Variants in NUAK1 observed in about 807,000 individuals in gnomAD.
NUAK1 encodes the protein NUAK family SNF1-like kinase 1.
In NUAK1, 26 loss-of-function variants were observed where a neutral mutation model predicts 56.9. The ratio of observed to expected loss-of-function variants is 0.46; its 90% CI spans 0.33 to 0.63. The LOEUF is 0.63. NUAK1 is among the 30% of genes least tolerant of loss of function. The probability of loss-of-function intolerance (pLI) is 0.02; values close to 1 mark genes in which losing one functional copy is unlikely to be tolerated. For synonymous variants in NUAK1, 337 were observed against 336.0 expected (o/e 1.00, Z -0.03); for missense variants, 727 against 876.1 (o/e 0.83, Z 2.15).
chr12:106,106,670 A>T, intron 1 of NUAK1, 145 bp from the exon 2 acceptor site: 1 of 719,876 alleles, frequency 1.4e-6, no homozygotes, highest in Non-Finnish European at 2.2e-6. Context: ...CCCCCTTGTC[A>T]TGTCTTTCAT....
rs2032340775 is a variant in NUAK1 at position 106,066,538 on chromosome 12, CT to C, written c.*263del. 2 of 511,742 alleles carry C rather than the reference CT, an allele frequency of 3.9e-6. No individual in the cohort carries two copies. Among genetic ancestry groups the C allele is most frequent in the Admixed American group, 3.3e-5 (1 of 30,472 alleles). 31.7% of individuals were successfully genotyped at this position (511,742 alleles called of 1,614,324 possible). ...TGAGTGCCGGTCAATACCACCTCCC[CT>C]GGACAGCTGGTCCTCTAGGAGGTGC... On this transcript the variant is annotated 3_prime_UTR_variant, in exon 7 of 7. Coordinates refer to ENST00000261402, the MANE Select transcript of NUAK1 (RefSeq NM_014840.3).
At chr12:106,112,201 C>T (rs748005999) in intron 1 of NUAK1, among the ~76,000 whole-genome samples, 1 of 152,224 alleles carries the variant, frequency 6.6e-6, no homozygotes, top group Non-Finnish European at 1.5e-5. Context: ...CTAATCCCAG[C>T]AACACGAGCT....
At chr12:106,130,610 A>G (rs1377024867) in intron 1 of NUAK1, among the ~76,000 whole-genome samples, 2 of 152,240 alleles carry the variant, frequency 1.3e-5, no homozygotes, top group Non-Finnish European at 1.5e-5. Flanking sequence ...GCTGCCAAGC[A>G]GGGATGTGCA....
intron 5 of NUAK1, 49 bp from the exon 6 acceptor site, chr12:106,070,955 A>G (rs756358388): frequency 5.0e-6 from 8 of 1,608,384 alleles, no homozygotes; most frequent in Non-Finnish European, 6.0e-6. Flanking sequence ...ACAGATCCCA[A>G]GATGCCTTCC....
At chr12:106,130,695 T>C (rs1283561993) in intron 1 of NUAK1, among the ~76,000 whole-genome samples, 2 of 152,204 alleles carry the variant, frequency 1.3e-5, no homozygotes, top group Non-Finnish European at 2.9e-5. Flanking sequence ...ACAGAGCCGC[T>C]AGTAGGAGAG....
Position 106,131,794 on chromosome 12 carries a change from G to A in NUAK1, c.240+6620C>T, listed in dbSNP as rs191507200. On this transcript the variant is annotated intron_variant, in intron 1 of 6. Coordinates refer to ENST00000261402, the MANE Select transcript of NUAK1 (RefSeq NM_014840.3). ...TTTCACATGCAGTTAAAAGTTTACCGAAGAGTTTCGCTGTAAAGCCAACAT... is the reference window on the plus strand; with the variant it reads ...TTTCACATGCAGTTAAAAGTTTACCAAAGAGTTTCGCTGTAAAGCCAACAT... Among the ~76,000 whole-genome samples the A allele has an allele frequency of 2.8e-3, 425 of 152,256 alleles. 2 individuals are homozygous for A. Among genetic ancestry groups the A allele is most frequent in the African/African-American group, 9.7e-3 (404 of 41,532 alleles).
At chr12:106,096,734 C>T (rs563251258) in intron 2 of NUAK1, among the ~76,000 whole-genome samples, 4 of 152,284 alleles carry the variant, frequency 2.6e-5, no homozygotes, top group East Asian at 1.9e-4. Flanking sequence ...CACTGGTGAC[C>T]GCCGCCAGAC....
At chr12:106,097,075 T>C (rs147259891) in intron 2 of NUAK1, among the ~76,000 whole-genome samples, 90 of 152,352 alleles carry the variant, frequency 5.9e-4, no homozygotes, top group Middle Eastern at 3.4e-3. Context: ...ATTCCATTTC[T>C]TGAGCATGGC....
In NUAK1 at chr12:106,128,128, C is replaced by CTTTTTTTT. The variant is rs199595148; in HGVS notation, c.240+10285_240+10286insAAAAAAAA. On this transcript the variant is annotated intron_variant, in intron 1 of 6. Coordinates refer to ENST00000261402, the MANE Select transcript of NUAK1 (RefSeq NM_014840.3). ...AGCCTAGCTCCAAATTCTCTCTTTT[C>CTTTTTTTT]TTTTTCTTTTTTTTTTTTTTTGACA... Among the ~76,000 whole-genome samples, 15 of 136,216 alleles carry CTTTTTTTT rather than the reference C, an allele frequency of 1.1e-4. 1 individual carries two copies. Among genetic ancestry groups the CTTTTTTTT allele is most frequent in the African/African-American group, 3.1e-4 (11 of 35,326 alleles). The allele number at this position is 136,216 out of a possible 152,430, so 89.4% of individuals were successfully genotyped here.
intron 4 of NUAK1, among the ~76,000 whole-genome samples, chr12:106,078,350 A>T (rs146574220): frequency 2.2e-4 from 33 of 152,346 alleles, no homozygotes; most frequent in African/African-American, 7.5e-4. Context: ...AGATAGTGGA[A>T]TTCTAAAATT....
intron 1 of NUAK1, among the ~76,000 whole-genome samples, chr12:106,125,699 G>A (rs1324932285): frequency 6.6e-6 from 1 of 151,952 alleles, no homozygotes; most frequent in African/African-American, 2.4e-5. Flanking sequence ...TCCTCTCCAG[G>A]ATCTCTACTA....
In NUAK1 at chr12:106,138,271, G is replaced by A. The variant is rs2033148142; in HGVS notation, c.240+143C>T. 1 of 1,097,736 alleles carries A rather than the reference G, an allele frequency of 9.1e-7. No individual in the cohort carries two copies. Among genetic ancestry groups the A allele is most frequent in the Non-Finnish European group, 1.3e-6 (1 of 794,062 alleles). The allele number at this position is 1,097,736 out of a possible 1,614,324, so 68.0% of individuals were successfully genotyped here. ...AGTCACGGGGTGCTGGAGAAAGAGT[G>A]AGGAGTCTGTCTCGGGGCTTCCCAA... On this transcript the variant is annotated intron_variant, in intron 1 of 6. Transcript: ENST00000261402. This position sits in a 1 kb window ranked among gnomAD's most constrained non-coding sequence, Gnocchi z 5.0.
chr12:106,093,700 G>A (rs1030807006), intron 2 of NUAK1, among the ~76,000 whole-genome samples: 3 of 152,260 alleles, frequency 2.0e-5, no homozygotes, highest in Admixed American at 6.5e-5. Context: ...CAGAGAGGAT[G>A]AGGATGAATT....
chr12:106,128,376 C>T (rs2033045233), intron 1 of NUAK1, among the ~76,000 whole-genome samples: 1 of 152,038 alleles, frequency 6.6e-6, no homozygotes, highest in Non-Finnish European at 1.5e-5. Context: ...AATAATCCAC[C>T]CACCTCGGCC....
At chr12:106,070,934 A>G (rs564781776) in intron 5 of NUAK1, 28 bp from the exon 6 acceptor site, 1 of 1,613,462 alleles carries the variant, frequency 6.2e-7, no homozygotes, top group Non-Finnish European at 8.5e-7. Flanking sequence ...CACATATAGG[A>G]GAGCTGGGAA....
At chr12:106,134,146 A>G (rs2033106377) in intron 1 of NUAK1, among the ~76,000 whole-genome samples, 1 of 152,354 alleles carries the variant, frequency 6.6e-6, no homozygotes, top group African/African-American at 2.4e-5. Context: ...AAGTCACTTA[A>G]CACTTCTGCG....
intron 2 of NUAK1, among the ~76,000 whole-genome samples, chr12:106,092,815 G>A (rs369623635): frequency 1.2e-4 from 18 of 152,244 alleles, no homozygotes; most frequent in African/African-American, 4.3e-4. Context: ...ACTCAAAAGC[G>A]CATGTTCTCG....
chr12:106,067,117 A>C lies in NUAK1; in HGVS notation c.1671T>G (p.Pro557=), dbSNP rs182582985. The change falls in exon 7 of 7, where the codon CCT becomes CCG. Residue 557 remains proline (P), a synonymous_variant. Coordinates refer to ENST00000261402, the MANE Select transcript of NUAK1 (RefSeq NM_014840.3). This position sits in a 1 kb window ranked among gnomAD's most constrained non-coding sequence, Gnocchi z 6.0. ...TLESLSEPGV[P]AEGLSRSYSR... is the part of the protein sequence containing the mutation. ...TGTAGCTCCGGGAGAGGCCCTCGGC[A>C]GGGACACCAGGCTCTGACAGGGATT... 3.3e-5 allele frequency: 54 copies of C among 1,614,230 alleles called. 1 individual carries two copies. The Admixed American group carries it at 8.8e-4, about 26-fold the overall frequency.
chr12:106,070,037 G>C (rs1592847431), intron 6 of NUAK1, among the ~76,000 whole-genome samples: 1 of 152,252 alleles, frequency 6.6e-6, no homozygotes. Context: ...AACAGAGCGA[G>C]ACACTCTCTC....
Sources: gnomAD v4.1 joint callset for allele counts (sites outside exome capture counted in the v4.1 genomes callset) on GRCh38, gnomAD v4.1.1 for gene constraint, Gnocchi (gnomAD v3.1) non-coding constraint, MANE v1.5 for transcripts, NCBI Gene and HGNC (gene_info 2026-07-23, HGNC 2026-07-21) for gene names.